The following EYA1 variants were observed in gnomAD, a reference collection of about 807,000 sequenced individuals.
EYA1 encodes the protein protein phosphatase EYA1.
Under a neutral mutation model 82.0 loss-of-function variants are expected in EYA1, and 16 were observed. That is an observed-to-expected ratio of 0.20 (90% CI 0.13 to 0.30). The LOEUF (loss-of-function observed/expected upper bound fraction) is 0.30. Ranked by LOEUF, EYA1 falls within the 10% of genes least tolerant of loss-of-function variation. EYA1 has a pLI of 1.00. For missense variants in EYA1, 633 were observed against 730.7 expected (o/e 0.87, Z 1.54); for synonymous variants, 261 against 264.4 (o/e 0.99, Z 0.12).
chr8:71,363,265 T>G (rs1827543864), upstream of EYA1, among the ~76,000 whole-genome samples: 2 of 152,188 alleles, frequency 1.3e-5, no homozygotes, highest in African/African-American at 4.8e-5. Flanking sequence ...ATAAAACACA[T>G]AGACACAATC....
intron 2 of EYA1, among the ~76,000 whole-genome samples, chr8:71,496,958 G>T (rs1049882491): frequency 6.7e-6 from 1 of 148,586 alleles, no homozygotes; most frequent in Non-Finnish European, 1.5e-5. Flanking sequence ...GCAATCATAT[G>T]ACCCCAAAAG....
intron 2 of EYA1, among the ~76,000 whole-genome samples, chr8:71,531,955 T>C (rs181971385): frequency 2.6e-5 from 4 of 152,304 alleles, no homozygotes; most frequent in African/African-American, 4.8e-5. Flanking sequence ...ACTTTCTGAC[T>C]TAACGTTTCT....
chr8:71,390,256 T>A (rs185588129), intron 2 of EYA1, among the ~76,000 whole-genome samples: 23 of 151,980 alleles, frequency 1.5e-4, no homozygotes, highest in Admixed American at 1.4e-3. Flanking sequence ...AAGTGAAAAG[T>A]GAAATTGGAT....
intron 3 of EYA1, among the ~76,000 whole-genome samples, chr8:71,336,698 C>T (rs1824526126): frequency 6.6e-6 from 1 of 152,166 alleles, no homozygotes. Context: ...GCCCCAATAA[C>T]ACTGCTTTTC....
At chr8:71,355,825 T>C (rs1026724781) in intron 2 of EYA1, among the ~76,000 whole-genome samples, 3 of 152,250 alleles carry the variant, frequency 2.0e-5, no homozygotes, top group Non-Finnish European at 2.9e-5. Flanking sequence ...TTCAGAACTA[T>C]ACATTTATAT....
At chr8:71,501,078 C>T (rs1811777517) in intron 2 of EYA1, among the ~76,000 whole-genome samples, 1 of 152,178 alleles carries the variant, frequency 6.6e-6, no homozygotes, top group Non-Finnish European at 1.5e-5. Context: ...AATAATAACT[C>T]ATACTGCCAT....
chr8:71,378,051 A>C (rs4738131), intron 2 of EYA1, among the ~76,000 whole-genome samples: 39,977 of 151,966 alleles, frequency 0.26, 5,671 homozygotes, highest in Middle Eastern at 0.45. Context: ...CTCCCATGTG[A>C]TCTCATTCCC....
At chr8:71,502,468 T>C (rs1230190083) in intron 2 of EYA1, among the ~76,000 whole-genome samples, 1 of 152,234 alleles carries the variant, frequency 6.6e-6, no homozygotes, top group Non-Finnish European at 1.5e-5. Flanking sequence ...ATAAAAAATA[T>C]AGGATGCCCA....
Position 71,282,156 on chromosome 8 carries a change from T to C in EYA1, c.827-10259A>G, listed in dbSNP as rs181493735. Among the ~76,000 whole-genome samples, 459 of 152,240 alleles carry C rather than the reference T, an allele frequency of 3.0e-3. 4 individuals carry two copies. Among genetic ancestry groups the C allele is most frequent in the African/African-American group, 0.011 (448 of 41,524 alleles). On this transcript the variant is annotated intron_variant, in intron 9 of 17. Transcript: ENST00000340726. ...CTGCCTCCCCTCAGGTTATGATGGG[T>C]GGACCTTCTGCACTCCTAAGGCCAA...
intron 12 of EYA1, among the ~76,000 whole-genome samples, chr8:71,239,096 A>G (rs970189765): frequency 6.6e-6 from 1 of 152,184 alleles, no homozygotes; most frequent in African/African-American, 2.4e-5. Context: ...ACAATCTTAT[A>G]AGAAATGATG....
At chr8:71,416,127 G>A (rs1830841388) in intron 2 of EYA1, among the ~76,000 whole-genome samples, 2 of 152,190 alleles carry the variant, frequency 1.3e-5, no homozygotes, top group East Asian at 1.9e-4. Flanking sequence ...CCAGTAGAAA[G>A]CTCCAGGCGG....
chr8:71,308,377 G>A (rs1205359339), intron 7 of EYA1, among the ~76,000 whole-genome samples: 1 of 152,034 alleles, frequency 6.6e-6, no homozygotes, highest in Non-Finnish European at 1.5e-5. Flanking sequence ...AGTGTCCCAG[G>A]GACAGTGCAT....
intron 2 of EYA1, among the ~76,000 whole-genome samples, chr8:71,396,424 C>T (rs1007841546): frequency 1.3e-5 from 2 of 152,156 alleles, no homozygotes; most frequent in African/African-American, 4.8e-5. Flanking sequence ...CTCTTGTGGG[C>T]ATTTAATGCT....
At chr8:71,470,300 C>T (rs1315488624) in intron 2 of EYA1, among the ~76,000 whole-genome samples, 1 of 152,012 alleles carries the variant, frequency 6.6e-6, no homozygotes, top group Non-Finnish European at 1.5e-5. Flanking sequence ...TTACTTTAAC[C>T]TCTGAGGCTT....
intron 12 of EYA1, among the ~76,000 whole-genome samples, chr8:71,241,070 A>G (rs1812429054): frequency 6.6e-6 from 1 of 152,224 alleles, no homozygotes; most frequent in African/African-American, 2.4e-5. Context: ...TAGGAAAGCC[A>G]GACGTACACT....
chr8:71,358,365 T>A (rs1192568270), intron 1 of EYA1, among the ~76,000 whole-genome samples: 1 of 152,214 alleles, frequency 6.6e-6, no homozygotes, highest in East Asian at 1.9e-4. Context: ...ATTTTCATAC[T>A]CTACAACTTT....
chr8:71,453,990 G>A (rs189675295), intron 2 of EYA1, among the ~76,000 whole-genome samples: 2 of 152,118 alleles, frequency 1.3e-5, no homozygotes, highest in Non-Finnish European at 2.9e-5. Context: ...TGGATAAAGA[G>A]TCGAGACCCA....
chr8:71,313,898 T>C lies in EYA1; in HGVS notation c.556+3654A>G, dbSNP rs116019037. On this transcript the variant is annotated intron_variant, in intron 7 of 17. Coordinates refer to ENST00000340726, the MANE Select transcript of EYA1 (RefSeq NM_000503.6). ...ACTTCAGTTTTTGGGGCTACTAGAATATTTCCCCTGGGCTACTAGAATAGT... is the reference window on the plus strand; with the variant it reads ...ACTTCAGTTTTTGGGGCTACTAGAACATTTCCCCTGGGCTACTAGAATAGT... Among the ~76,000 whole-genome samples the C allele has an allele frequency of 4.5e-3, 692 of 152,338 alleles. 6 individuals carry two copies. Among genetic ancestry groups the C allele is most frequent in the African/African-American group, 0.016 (655 of 41,570 alleles).
At chr8:71,325,988 G>C (rs1385435117) in intron 4 of EYA1, among the ~76,000 whole-genome samples, 1 of 152,148 alleles carries the variant, frequency 6.6e-6, no homozygotes, top group Non-Finnish European at 1.5e-5. Context: ...AATGACCCCA[G>C]ATCATCTATC....
Sources: allele counts gnomAD v4.1 joint callset (sites outside exome capture counted in the v4.1 genomes callset), GRCh38; gene constraint gnomAD v4.1.1; transcripts MANE v1.5; gene names NCBI Gene and HGNC (gene_info 2026-07-23, HGNC 2026-07-21).